The following NEGR1 variants were observed in gnomAD, a reference collection of about 807,000 sequenced individuals.
NEGR1 encodes the protein neuronal growth regulator 1.
A neutral mutation model predicts 40.9 loss-of-function variants in NEGR1; 10 were observed. The observed-to-expected ratio is 0.24, with a 90% CI of 0.15 to 0.42. NEGR1 has a LOEUF of 0.42. Ranked by LOEUF, NEGR1 falls within the 10% of genes least tolerant of loss-of-function variation. The pLI is 1.00. For synonymous variants in NEGR1, 185 were observed against 166.8 expected, an observed-to-expected ratio of 1.11 and a Z score of -0.84; for missense variants, 352 against 438.9, an observed-to-expected ratio of 0.80 and a Z score of 1.77.
At chr1:72,107,664 T>C (rs1200821581) in intron 1 of NEGR1, among the ~76,000 whole-genome samples, 1 of 151,430 alleles carries the variant, frequency 6.6e-6, no homozygotes, top group Non-Finnish European at 1.5e-5. Flanking sequence ...AATTATTTTA[T>C]CAACAGAATC....
At chr1:71,419,924 A>C (rs1457687010) in intron 6 of NEGR1, among the ~76,000 whole-genome samples, 1 of 152,044 alleles carries the variant, frequency 6.6e-6, no homozygotes, top group Non-Finnish European at 1.5e-5. Flanking sequence ...GAAAAAAAAA[A>C]AAAGAAAACA....
chr1:71,578,638 G>A (rs946227662), intron 6 of NEGR1, among the ~76,000 whole-genome samples: 2 of 151,976 alleles, frequency 1.3e-5, no homozygotes, highest in African/African-American at 4.8e-5. Context: ...AATGTCTTTG[G>A]GGGGCTTCTT....
intron 1 of NEGR1, among the ~76,000 whole-genome samples, chr1:72,112,248 G>T: frequency 7.0e-6 from 1 of 143,788 alleles, no homozygotes; most frequent in East Asian, 2.1e-4. Context: ...ATGGCTCAGA[G>T]TTGTACACTT....
At chr1:72,187,774 T>C (rs1652665104) in intron 1 of NEGR1, among the ~76,000 whole-genome samples, 1 of 151,468 alleles carries the variant, frequency 6.6e-6, no homozygotes. Flanking sequence ...TTATTGATCT[T>C]CACCACAACC....
chr1:71,685,897 C>T (rs1048672351), intron 4 of NEGR1, among the ~76,000 whole-genome samples: 1 of 152,074 alleles, frequency 6.6e-6, no homozygotes, highest in Non-Finnish European at 1.5e-5. Flanking sequence ...AATTTTTTGG[C>T]ATCGCGACGG....
At chr1:71,523,065 T>C (rs1647171977) in intron 6 of NEGR1, among the ~76,000 whole-genome samples, 1 of 151,936 alleles carries the variant, frequency 6.6e-6, no homozygotes, top group Admixed American at 6.6e-5. Context: ...GAACAAAAGA[T>C]GGTTGGTTCA....
At chr1:71,702,128 G>A (rs902294407) in intron 3 of NEGR1, among the ~76,000 whole-genome samples, 1 of 152,036 alleles carries the variant, frequency 6.6e-6, no homozygotes, top group Non-Finnish European at 1.5e-5. Flanking sequence ...TAATCCAGCA[G>A]AGAGCACTGA....
At chr1:71,521,389 G>A (rs904287691) in intron 6 of NEGR1, among the ~76,000 whole-genome samples, 1 of 152,076 alleles carries the variant, frequency 6.6e-6, no homozygotes, top group East Asian at 1.9e-4. Flanking sequence ...TATGTTACCA[G>A]TGGAATGAGA....
intron 6 of NEGR1, among the ~76,000 whole-genome samples, chr1:71,471,049 C>T (rs1168930057): frequency 6.6e-6 from 1 of 152,038 alleles, no homozygotes; most frequent in African/African-American, 2.4e-5. Context: ...CTGGAAAAAT[C>T]TTTATAAAAC....
chr1:71,946,775 A>G (rs975327340), intron 1 of NEGR1, among the ~76,000 whole-genome samples: 1 of 152,060 alleles, frequency 6.6e-6, no homozygotes, highest in Non-Finnish European at 1.5e-5. Context: ...ATAATTATTA[A>G]TAGTATATGA....
chr1:72,200,356 G>A (rs1653159258), intron 1 of NEGR1, among the ~76,000 whole-genome samples: 1 of 151,914 alleles, frequency 6.6e-6, no homozygotes, highest in Non-Finnish European at 1.5e-5. Context: ...ATGAAATCAT[G>A]TCCTCTGAAG....
chr1:71,642,190 G>A (rs2101574338), intron 4 of NEGR1, among the ~76,000 whole-genome samples: 1 of 152,072 alleles, frequency 6.6e-6, no homozygotes, highest in Non-Finnish European at 1.5e-5. Flanking sequence ...TCTCATCACT[G>A]CCAAACTCTC....
chr1:71,628,615 C>T (rs1650867251), intron 4 of NEGR1, among the ~76,000 whole-genome samples: 1 of 151,702 alleles, frequency 6.6e-6, no homozygotes, highest in South Asian at 2.1e-4. Flanking sequence ...CTCCCTTTGT[C>T]TATGTGTTCT....
intron 1 of NEGR1, among the ~76,000 whole-genome samples, chr1:72,058,281 C>A (rs1225714031): frequency 1.3e-5 from 2 of 151,086 alleles, no homozygotes; most frequent in Admixed American, 6.6e-5. Flanking sequence ...TATTTGAAAT[C>A]TCAAAGGTAG....
chr1:71,411,791 G>A (rs1367528634), intron 6 of NEGR1, among the ~76,000 whole-genome samples: 2 of 152,094 alleles, frequency 1.3e-5, no homozygotes, highest in African/African-American at 4.8e-5. Context: ...CCTGAGGCCA[G>A]GAGTTCGAGA....
intron 4 of NEGR1, among the ~76,000 whole-genome samples, chr1:71,611,549 T>G (rs1469731694): frequency 6.6e-6 from 1 of 152,192 alleles, no homozygotes; most frequent in Non-Finnish European, 1.5e-5. Context: ...ACAAAAATAC[T>G]CTAAGCTTGA....
intron 1 of NEGR1, among the ~76,000 whole-genome samples, chr1:72,016,880 T>C (rs1410115345): frequency 6.6e-6 from 1 of 152,198 alleles, no homozygotes; most frequent in African/African-American, 2.4e-5. Context: ...ACCTGAATTA[T>C]AAACAGAGTT....
intron 1 of NEGR1, among the ~76,000 whole-genome samples, chr1:72,155,569 A>T (rs1028828966): frequency 4.6e-5 from 7 of 152,126 alleles, no homozygotes; most frequent in African/African-American, 1.7e-4. Flanking sequence ...TTATTAATTG[A>T]AAATAAAATA....
rs898597462 is a variant in NEGR1, at chr1:71,859,746, C to A, written c.409+75333G>T. 5.9e-5 allele frequency among the ~76,000 whole-genome samples: 9 copies of A among 152,030 alleles called. No homozygotes were observed. The South Asian group carries it at 6.2e-4, about 10-fold the overall frequency. On this transcript the variant is annotated intron_variant, in intron 2 of 6. Coordinates refer to ENST00000357731, the MANE Select transcript of NEGR1 (RefSeq NM_173808.3). ...CATTTGGGGATGTCAGCTCCGCTAT[C>A]ACAAGGGTTTTAGTTCACTGTTTTA...
Sources: allele counts gnomAD v4.1 joint callset (sites outside exome capture counted in the v4.1 genomes callset), GRCh38; gene constraint gnomAD v4.1.1; transcripts MANE v1.5; gene names NCBI Gene and HGNC (gene_info 2026-07-23, HGNC 2026-07-21).